The following SORCS2 variants were observed in gnomAD, a reference collection of about 807,000 sequenced individuals.
SORCS2 encodes VPS10 domain-containing receptor SorCS2.
SORCS2 carries 100 observed loss-of-function variants against 141.6 expected under a neutral mutation model. That is an observed-to-expected ratio of 0.71 (90% confidence interval 0.60 to 0.83). The LOEUF (loss-of-function observed/expected upper bound fraction) is 0.83, where lower values mean the gene tolerates loss of function less well. Ranked by LOEUF, SORCS2 falls within the 40% of genes least tolerant of loss-of-function variation. The pLI, the probability that SORCS2 is intolerant of heterozygous loss-of-function variation, is 0.00. For synonymous variants in SORCS2, 789 were observed against 676.9 expected (o/e 1.17, Z -2.57); for missense variants, 1,646 against 1,560.2 (o/e 1.05, Z -0.93).
chr4:7,224,193 G>T (rs1306171131), intron 1 of SORCS2, among the ~76,000 whole-genome samples: 3 of 152,174 alleles, frequency 2.0e-5, no homozygotes, highest in Non-Finnish European at 4.4e-5. Context: ...GGTGGCTTGG[G>T]AACCTTGCAG....
At chr4:7,496,504 T>C (rs1207109944) in intron 2 of SORCS2, among the ~76,000 whole-genome samples, 1 of 82,602 alleles carries the variant, frequency 1.2e-5, no homozygotes, top group Non-Finnish European at 2.7e-5. Context: ...GCAGTGAGCC[T>C]GTGGTGCTCT....
At chr4:7,312,212 G>A (rs1383103512) in intron 1 of SORCS2, among the ~76,000 whole-genome samples, 1 of 152,172 alleles carries the variant, frequency 6.6e-6, no homozygotes, top group Non-Finnish European at 1.5e-5. Flanking sequence ...GCTGAAGAGC[G>A]TAAGTACTTC....
chr4:7,575,626 T>C (rs1482796624), intron 3 of SORCS2, among the ~76,000 whole-genome samples: 1 of 152,236 alleles, frequency 6.6e-6, no homozygotes, highest in East Asian at 1.9e-4. Flanking sequence ...TTTAAATTAA[T>C]TGAAACTAGA....
intron 1 of SORCS2, among the ~76,000 whole-genome samples, chr4:7,361,731 G>A (rs1364659325): frequency 1.3e-5 from 2 of 152,026 alleles, no homozygotes; most frequent in African/African-American, 4.8e-5. Context: ...GCAGCTGTAA[G>A]GCTTTTATTA....
intron 4 of SORCS2, among the ~76,000 whole-genome samples, chr4:7,652,256 G>A (rs749221022): frequency 1.3e-5 from 2 of 152,138 alleles, no homozygotes; most frequent in Non-Finnish European, 2.9e-5. Flanking sequence ...CCTTTCCCAC[G>A]GGCCACTGTG....
At chr4:7,214,100 C>T (rs1728195090) in intron 1 of SORCS2, among the ~76,000 whole-genome samples, 1 of 152,108 alleles carries the variant, frequency 6.6e-6, no homozygotes, top group Non-Finnish European at 1.5e-5. Flanking sequence ...TCTTGTCTTC[C>T]AAAAAGGAAG....
intron 1 of SORCS2, among the ~76,000 whole-genome samples, chr4:7,255,294 G>A (rs942933873): frequency 2.0e-5 from 3 of 152,098 alleles, no homozygotes; most frequent in African/African-American, 4.8e-5. Context: ...AGAGCTTCCT[G>A]GAGGAGGCGG....
At chr4:7,579,588 A>C (rs1249067382) in intron 3 of SORCS2, among the ~76,000 whole-genome samples, 1 of 152,140 alleles carries the variant, frequency 6.6e-6, no homozygotes, top group Non-Finnish European at 1.5e-5. Context: ...GGCCTGGTCC[A>C]AGTATCCCTG....
intron 10 of SORCS2, among the ~76,000 whole-genome samples, chr4:7,687,400 G>C (rs978621700): frequency 6.6e-6 from 1 of 152,182 alleles, no homozygotes; most frequent in African/African-American, 2.4e-5. Flanking sequence ...CTATTCACTC[G>C]TAGGCCTGCT....
chr4:7,651,609 G>T (rs952483807), intron 4 of SORCS2, among the ~76,000 whole-genome samples: 2 of 152,238 alleles, frequency 1.3e-5, no homozygotes, highest in African/African-American at 4.8e-5. Context: ...TGAGACACAG[G>T]GTTTATTGGA....
Position 7,380,417 on chromosome 4 carries a change from C to T in SORCS2, c.481-15871C>T, listed in dbSNP as rs915563046. On this transcript the variant is annotated intron_variant, in intron 1 of 26. Transcript: ENST00000507866. ...GGACAGGTAGCGAGCTCCCCGTCAC[C>T]GGACTCCTGGGCTATTACTGGGGAC... Among the ~76,000 whole-genome samples, 23 of 152,366 alleles carry T rather than the reference C, an allele frequency of 1.5e-4. No homozygotes were observed. In the East Asian group the frequency reaches 2.7e-3, roughly 18 times the overall value.
intron 1 of SORCS2, among the ~76,000 whole-genome samples, chr4:7,387,422 C>T: frequency 7.1e-4 from 52 of 73,010 alleles, no homozygotes; most frequent in African/African-American, 1.3e-3. Context: ...TACACACATG[C>T]ACACACACAT....
At chr4:7,369,738 G>C (rs1396246866) in intron 1 of SORCS2, among the ~76,000 whole-genome samples, 1 of 152,156 alleles carries the variant, frequency 6.6e-6, no homozygotes, top group Admixed American at 6.5e-5. Context: ...CGGCTTTGCA[G>C]GTTCTCCCTC....
At position 7,734,328 on chromosome 4, in the gene SORCS2, A is replaced by G; in HGVS notation, c.3265A>G (p.Ile1089Val). The change falls in exon 25 of 27, where the codon ATC becomes GTC. Residue 1089 changes from isoleucine (I) to valine (V), a missense_variant. Transcript: ENST00000507866. ...CTGGGCGGTAGTGGTGCTGTTTGTC[A>G]TCGGGCTCTTCGCAGCGGGAGCCTT... ...GYWAVVVLFVIGLFAAGAFIL... is the reference protein window; with the variant it reads ...GYWAVVVLFVVGLFAAGAFIL... 1 of 1,599,476 alleles carries G rather than the reference A, an allele frequency of 6.3e-7. No individual in the cohort carries two copies. Among genetic ancestry groups the G allele is most frequent in the Non-Finnish European group, 8.5e-7 (1 of 1,173,690 alleles).
chr4:7,388,137 CACACATGCGCACAGATG>C, intron 1 of SORCS2, among the ~76,000 whole-genome samples: 2 of 144,768 alleles, frequency 1.4e-5, no homozygotes, highest in East Asian at 4.4e-4. Flanking sequence ...CACACAGATG[CACACATGCGCACAGATG>C]CCCCCACACC....
At chr4:7,692,732 G>A (rs1724336589) in intron 11 of SORCS2, among the ~76,000 whole-genome samples, 1 of 152,214 alleles carries the variant, frequency 6.6e-6, no homozygotes, top group Admixed American at 6.5e-5. Flanking sequence ...TCTTCCCTGG[G>A]GTTTGGATTG....
In SORCS2 at chr4:7,360,183, C is replaced by T. The variant is rs566289810; in HGVS notation, c.481-36105C>T. 4.9e-4 allele frequency among the ~76,000 whole-genome samples: 75 copies of T among 152,294 alleles called. 1 individual carries two copies. The highest frequency in any genetic ancestry group is 4.3e-4 in the African/African-American group (18 of 41,544). On this transcript the variant is annotated intron_variant, in intron 1 of 26. Coordinates refer to ENST00000507866, the MANE Select transcript of SORCS2 (RefSeq NM_020777.3). ...GCCTACTCTGTGCCCCACAGAATAC[C>T]GGGCAGGTTTTCTTTCTGCATTCAC...
chr4:7,317,683 G>C (rs375569651), intron 1 of SORCS2, among the ~76,000 whole-genome samples: 4 of 151,970 alleles, frequency 2.6e-5, no homozygotes, highest in Non-Finnish European at 5.9e-5. Flanking sequence ...CTTAGGACTT[G>C]GGGGCCTAAG....
intron 1 of SORCS2, among the ~76,000 whole-genome samples, chr4:7,343,366 G>A (rs547475579): frequency 3.3e-5 from 5 of 152,334 alleles, no homozygotes; most frequent in South Asian, 4.1e-4. Context: ...GAGTGACACC[G>A]GGCAAAGCCG....
Sources: allele counts gnomAD v4.1 joint callset (sites outside exome capture counted in the v4.1 genomes callset), GRCh38; gene constraint gnomAD v4.1.1; transcripts MANE v1.5; gene names NCBI Gene and HGNC (gene_info 2026-07-23, HGNC 2026-07-21).